The following DAB1 variants were observed in gnomAD, a reference collection of about 807,000 sequenced individuals.
DAB1 encodes disabled homolog 1.
DAB1 carries 15 observed loss-of-function variants against 64.6 expected under a neutral mutation model. The observed-to-expected ratio is 0.23, with a 90% confidence interval of 0.16 to 0.36. DAB1 has a LOEUF of 0.36. Among genes scored for constraint, DAB1 ranks in the 10% least tolerant of loss-of-function variants. The pLI is 1.00. For missense variants in DAB1, 596 were observed against 706.7 expected (o/e 0.84, Z 1.78); for synonymous variants, 235 against 251.9 (o/e 0.93, Z 0.64).
At chr1:57,406,341 T>C (rs1009784694) in intron 1 of DAB1, among the ~76,000 whole-genome samples, 2 of 152,254 alleles carry the variant, frequency 1.3e-5, no homozygotes, top group African/African-American at 4.8e-5. Context: ...TCTTATTTTT[T>C]ACTTCGACAA....
intron 1 of DAB1, among the ~76,000 whole-genome samples, chr1:57,396,785 A>G (rs1264492936): frequency 1.3e-5 from 2 of 152,220 alleles, no homozygotes. Context: ...GAGCCTGACT[A>G]TAAGAACTTG....
intron 8 of DAB1, among the ~76,000 whole-genome samples, chr1:57,064,534 T>C (rs1231780090): frequency 6.6e-6 from 1 of 152,128 alleles, no homozygotes; most frequent in African/African-American, 2.4e-5. Context: ...TCTCTGGCAG[T>C]AGAGATATTT....
intron 1 of DAB1, among the ~76,000 whole-genome samples, chr1:57,419,667 C>A (rs537078628): frequency 2.6e-5 from 4 of 152,284 alleles, no homozygotes; most frequent in Middle Eastern, 3.4e-3. Flanking sequence ...AGCTAAGTAA[C>A]TTTACATGCT....
intron 2 of DAB1, among the ~76,000 whole-genome samples, chr1:57,198,175 G>A (rs1038293017): frequency 9.2e-5 from 14 of 152,124 alleles, no homozygotes; most frequent in Non-Finnish European, 1.8e-4. Flanking sequence ...CTTCTAGCAG[G>A]CTTGGGTTTG....
At chr1:57,067,007 A>G (rs1409484516) in intron 8 of DAB1, among the ~76,000 whole-genome samples, 1 of 127,790 alleles carries the variant, frequency 7.8e-6, no homozygotes, top group Admixed American at 7.9e-5. Context: ...AACACTTACA[A>G]GCCCTTAAAA....
intron 8 of DAB1, among the ~76,000 whole-genome samples, chr1:57,068,313 T>A (rs948398879): frequency 6.6e-6 from 1 of 152,174 alleles, no homozygotes; most frequent in African/African-American, 2.4e-5. Context: ...GAAAAAAGTC[T>A]CAAAGCACAA....
intron 3 of DAB1, among the ~76,000 whole-genome samples, chr1:58,482,277 G>A (rs1645500573): frequency 6.6e-6 from 1 of 152,070 alleles, no homozygotes; most frequent in African/African-American, 2.4e-5. Flanking sequence ...TTAGAATGTA[G>A]CAACATAAGC....
At chr1:57,400,298 A>C (rs1232491731) in intron 1 of DAB1, among the ~76,000 whole-genome samples, 3 of 152,246 alleles carry the variant, frequency 2.0e-5, no homozygotes, top group Admixed American at 6.5e-5. Flanking sequence ...AGAAAAAAAA[A>C]CCAAAAGGTT....
chr1:57,518,661 C>T (rs1644490559), intron 7 of DAB1, among the ~76,000 whole-genome samples: 1 of 152,136 alleles, frequency 6.6e-6, no homozygotes, highest in African/African-American at 2.4e-5. Flanking sequence ...CTCGTGTGTC[C>T]TGCTTTGGCG....
At chr1:57,351,894 T>C (rs868149577) in intron 1 of DAB1, among the ~76,000 whole-genome samples, 16 of 152,226 alleles carry the variant, frequency 1.1e-4, no homozygotes, top group Admixed American at 9.2e-4. Context: ...CTACTTAGCA[T>C]GTAAAATGTG....
At chr1:57,107,377 TAAAAAA>T (rs57669509) in intron 4 of DAB1, among the ~76,000 whole-genome samples, 2 of 139,086 alleles carry the variant, frequency 1.4e-5, no homozygotes, top group Non-Finnish European at 1.5e-5. Flanking sequence ...TCTGTTTCAT[TAAAAAA>T]AAAAAAAAAA....
At chr1:57,463,167 T>G (rs569381897) in intron 7 of DAB1, among the ~76,000 whole-genome samples, 6 of 152,302 alleles carry the variant, frequency 3.9e-5, no homozygotes, top group African/African-American at 1.4e-4. Flanking sequence ...ACTGTACCAC[T>G]TACCAACTGT....
chr1:57,675,618 C>T (rs768870980), intron 6 of DAB1, among the ~76,000 whole-genome samples: 9 of 152,106 alleles, frequency 5.9e-5, no homozygotes, highest in Admixed American at 1.3e-4. Context: ...TGAATACCAG[C>T]GCTGCAGTGG....
intron 7 of DAB1, among the ~76,000 whole-genome samples, chr1:57,576,606 C>G (rs1395779980): frequency 6.6e-6 from 1 of 152,148 alleles, no homozygotes; most frequent in Non-Finnish European, 1.5e-5. Context: ...TGACCCTGTC[C>G]ACACCTCGAT....
At chr1:58,042,711 T>C (rs1471480152) in intron 5 of DAB1, among the ~76,000 whole-genome samples, 3 of 152,134 alleles carry the variant, frequency 2.0e-5, no homozygotes, top group African/African-American at 4.8e-5. Context: ...TAAAAGAGCA[T>C]AGTCAGTACT....
intron 1 of DAB1, among the ~76,000 whole-genome samples, chr1:57,301,045 C>T (rs1673603882): frequency 6.6e-6 from 1 of 151,710 alleles, no homozygotes; most frequent in African/African-American, 2.4e-5. Flanking sequence ...TTTAAAAGCA[C>T]ATGTGCTTCC....
intron 1 of DAB1, among the ~76,000 whole-genome samples, chr1:57,848,915 T>G (rs1173193433): frequency 6.6e-6 from 1 of 152,190 alleles, no homozygotes; most frequent in African/African-American, 2.4e-5. Flanking sequence ...CTCCAGGATG[T>G]AATCCTCACA....
chr1:57,506,554 C>G (rs1380409121), intron 7 of DAB1, among the ~76,000 whole-genome samples: 1 of 152,210 alleles, frequency 6.6e-6, no homozygotes, highest in African/African-American at 2.4e-5. Context: ...ATGAAAACAT[C>G]TGAACACTGG....
rs1557750491 is a variant in DAB1, at chr1:58,403,863, GGATTTTGA to G, written n.258-60468_258-60461del. Among the ~76,000 whole-genome samples, 62 of 152,292 alleles carry G rather than the reference GGATTTTGA, an allele frequency of 4.1e-4. 1 individual carries two copies. In the South Asian group the frequency reaches 0.012, roughly 30 times the overall value. On this transcript the variant is annotated intron_variant and non_coding_transcript_variant, in intron 3 of 20. Transcript: ENST00000485760. The stretch of plus-strand genomic sequence containing the variant: ...TTGAACAGGCATAAGTCACTAAACA[GGATTTTGA>G]ACCTTGATCTCCTGACTCTAGAATC...
Sources: gnomAD v4.1 joint callset for allele counts (sites outside exome capture counted in the v4.1 genomes callset) on GRCh38, gnomAD v4.1.1 for gene constraint, MANE v1.5 for transcripts, NCBI Gene and HGNC (gene_info 2026-07-23, HGNC 2026-07-21) for gene names.